Variants in VEPH1 observed in about 807,000 individuals in gnomAD.
VEPH1 encodes the protein ventricular zone expressed PH domain containing 1, also known as ventricular zone-expressed PH domain-containing protein homolog 1.
In VEPH1, 80 loss-of-function variants were observed where a neutral mutation model predicts 85.2. The observed-to-expected ratio is 0.94, with a 90% CI of 0.78 to 1.13. VEPH1 has a LOEUF of 1.13. Among genes scored for constraint, VEPH1 ranks in the 50% most tolerant of loss-of-function variants. The pLI is 0.00. For synonymous variants in VEPH1, 297 were observed against 348.0 expected (o/e 0.85, Z 1.63); for missense variants, 955 against 980.5 (o/e 0.97, Z 0.35).
intron 1 of VEPH1, among the ~76,000 whole-genome samples, chr3:157,496,798 T>C (rs1739701558): frequency 6.6e-6 from 1 of 152,192 alleles, no homozygotes; most frequent in South Asian, 2.1e-4. Context: ...CTCAACTAAA[T>C]AAGCTATCTG....
At chr3:157,302,576 C>T (rs1333152649) in intron 11 of VEPH1, among the ~76,000 whole-genome samples, 1 of 152,200 alleles carries the variant, frequency 6.6e-6, no homozygotes, top group Non-Finnish European at 1.5e-5. Flanking sequence ...AGTGGGCCCG[C>T]ACTAGACACT....
intron 9 of VEPH1, among the ~76,000 whole-genome samples, chr3:157,320,121 A>G (rs1577332094): frequency 6.6e-6 from 1 of 152,194 alleles, no homozygotes; most frequent in Non-Finnish European, 1.5e-5. Flanking sequence ...GGATGAATGA[A>G]TGAATGGATG....
intron 4 of VEPH1, among the ~76,000 whole-genome samples, chr3:157,449,606 C>T (rs1241540614): frequency 2.0e-5 from 3 of 152,112 alleles, no homozygotes; most frequent in Admixed American, 6.6e-5. Context: ...AAATTACTGC[C>T]TCTTCCTCTC....
intron 10 of VEPH1, among the ~76,000 whole-genome samples, chr3:157,315,161 T>C (rs1251239526): frequency 2.6e-5 from 4 of 152,074 alleles, no homozygotes; most frequent in African/African-American, 9.7e-5. Flanking sequence ...TGAGACTAAG[T>C]GGTTTGTATG....
chr3:157,442,343 T>G lies in VEPH1; in HGVS notation c.530-13855A>C, dbSNP rs769071945. 2.0e-6 allele frequency: 3 copies of G among 1,533,618 alleles called. No individual in the cohort carries two copies. The South Asian group carries it at 3.6e-5, about 18-fold the overall frequency. ...TTAATTTATATTTTCTTTAATATTC[T>G]TCTTATTTTCTTGCTACTCTAGGTT... On this transcript the variant is annotated intron_variant, in intron 4 of 13. Coordinates refer to ENST00000362010, the MANE Select transcript of VEPH1 (RefSeq NM_001167912.2).
At position 157,428,459 on chromosome 3, in the gene VEPH1, C is replaced by A; in HGVS notation, c.559G>T (p.Ala187Ser). ...GNTMLLRVLP[A>S]VYEKQPQPIN... Reference sequence around the variant, plus strand: ...GGCTGAGGCTGCTTTTCATACACAGCAGGTAACACTCTCAACAACATGGTG... The same window carrying A: ...GGCTGAGGCTGCTTTTCATACACAGAAGGTAACACTCTCAACAACATGGTG... Residue 187 changes from alanine to serine, a missense_variant, in exon 5 of 14, where the codon GCT (alanine) becomes TCT (serine). Ala to Ser is a moderately conservative substitution (Grantham distance 99). Transcript: ENST00000362010. The A allele has an allele frequency of 6.2e-7, 1 of 1,613,874 alleles. No homozygotes were observed. The highest frequency in any genetic ancestry group is 8.5e-7 in the Non-Finnish European group (1 of 1,179,962).
chr3:157,289,015 A>T (rs1392016323), intron 11 of VEPH1, among the ~76,000 whole-genome samples: 1 of 152,194 alleles, frequency 6.6e-6, no homozygotes, highest in Non-Finnish European at 1.5e-5. Context: ...TTTAAAAAGT[A>T]TGTTTTCCAA....
intron 9 of VEPH1, among the ~76,000 whole-genome samples, chr3:157,328,510 A>G (rs1305757953): frequency 6.6e-6 from 1 of 152,216 alleles, no homozygotes; most frequent in Non-Finnish European, 1.5e-5. Flanking sequence ...ATGATGTGTA[A>G]GCCAAAATCC....
chr3:157,362,361 T>C (rs1038401639), intron 9 of VEPH1, among the ~76,000 whole-genome samples: 1 of 152,170 alleles, frequency 6.6e-6, no homozygotes, highest in Non-Finnish European at 1.5e-5. Context: ...CCACCCTAAT[T>C]TGTGTGCCTG....
intron 4 of VEPH1, among the ~76,000 whole-genome samples, chr3:157,446,235 C>T (rs1734545644): frequency 6.6e-6 from 1 of 151,582 alleles, no homozygotes; most frequent in African/African-American, 2.4e-5. Context: ...GAACAACTGT[C>T]CTGGTTTGCC....
chr3:157,308,248 A>G (rs1719731362), intron 11 of VEPH1, among the ~76,000 whole-genome samples: 1 of 151,894 alleles, frequency 6.6e-6, no homozygotes, highest in South Asian at 2.1e-4. Context: ...GGATCACTGT[A>G]AAATGCTAAA....
rs59176910 is a variant in VEPH1 at position 157,272,240 on chromosome 3, T to TCTTCCTTCCTTC, written c.2129-6590_2129-6579dup. On this transcript the variant is annotated intron_variant, in intron 12 of 13. Coordinates refer to ENST00000362010, the MANE Select transcript of VEPH1 (RefSeq NM_001167912.2). ...TTTCCTGGGTGTTTGTCTCTTTTCT[T>TCTTCCTTCCTTC]CTTCCTTCCTTCCTTCCTTCCTTCC... 1.0e-3 allele frequency among the ~76,000 whole-genome samples: 139 copies of TCTTCCTTCCTTC among 137,304 alleles called. 1 individual carries two copies. The highest frequency in any genetic ancestry group is 3.7e-3 in the Middle Eastern group (1 of 270). 90.1% of individuals were successfully genotyped at this position (137,304 alleles called of 152,430 possible). A position where few individuals can be genotyped will look rare whatever the true frequency, so the allele number is the denominator to read the frequency against.
intron 6 of VEPH1, among the ~76,000 whole-genome samples, chr3:157,384,465 A>G (rs1339312748): frequency 2.0e-5 from 3 of 152,206 alleles, no homozygotes; most frequent in Admixed American, 6.5e-5. Flanking sequence ...CAAACATTTC[A>G]TTTGCTTATG....
chr3:157,333,704 C>G (rs1345720377), intron 9 of VEPH1, among the ~76,000 whole-genome samples: 2 of 152,226 alleles, frequency 1.3e-5, no homozygotes, highest in Non-Finnish European at 2.9e-5. Context: ...ATAAGGCAGG[C>G]AAGCCGTGAT....
chr3:157,312,130 T>A (rs1366794105), intron 11 of VEPH1, among the ~76,000 whole-genome samples: 1 of 151,708 alleles, frequency 6.6e-6, no homozygotes, highest in East Asian at 1.9e-4. Context: ...TATTATGAAT[T>A]TGTTTAATAT....
chr3:157,349,304 C>T (rs2108695020), intron 9 of VEPH1, among the ~76,000 whole-genome samples: 1 of 152,232 alleles, frequency 6.6e-6, no homozygotes, highest in Non-Finnish European at 1.5e-5. Context: ...TCAATAGATG[C>T]AGGAAAAACA....
chr3:157,297,423 A>G (rs1179543884), intron 11 of VEPH1, among the ~76,000 whole-genome samples: 1 of 152,214 alleles, frequency 6.6e-6, no homozygotes, highest in Non-Finnish European at 1.5e-5. Flanking sequence ...TGACATGTGC[A>G]TGCTTGATGA....
chr3:157,499,252 G>GTTTTTTTTT (rs72395333), intron 1 of VEPH1: 3 of 128,458 alleles, frequency 2.3e-5, no homozygotes, highest in African/African-American at 9.0e-5. Context: ...TCATTATTTA[G>GTTTTTTTTT]TTTTTTTTTT....
At chr3:157,396,212 G>T (rs1577558078) in intron 6 of VEPH1, among the ~76,000 whole-genome samples, 1 of 152,160 alleles carries the variant, frequency 6.6e-6, no homozygotes, top group Non-Finnish European at 1.5e-5. Flanking sequence ...GTTTTAGTTT[G>T]CTGAGGATAA....
Sources: allele counts gnomAD v4.1 joint callset (sites outside exome capture counted in the v4.1 genomes callset), GRCh38; gene constraint gnomAD v4.1.1; transcripts MANE v1.5; gene names NCBI Gene and HGNC (gene_info 2026-07-23, HGNC 2026-07-21).